STXBP5L: variants seen among roughly 807,000 people sequenced by gnomAD.
The protein encoded by STXBP5L is syntaxin-binding protein 5-like.
Under a neutral mutation model 144.5 loss-of-function variants are expected in STXBP5L, and 65 were observed. The observed-to-expected ratio is 0.45, with a 90% CI of 0.37 to 0.55. STXBP5L has a LOEUF of 0.55. Ranked by LOEUF, STXBP5L falls within the 20% of genes least tolerant of loss-of-function variation. The pLI, the probability that STXBP5L is intolerant of heterozygous loss-of-function variation, is 0.00. For synonymous variants in STXBP5L, 505 were observed against 469.6 expected (o/e 1.08, Z -0.97); for missense variants, 1,298 against 1,405.5 (o/e 0.92, Z 1.22).
chr3:121,047,288 G>A (rs1947584039), intron 5 of STXBP5L, among the ~76,000 whole-genome samples: 1 of 151,888 alleles, frequency 6.6e-6, no homozygotes. Context: ...GTTGATTTTA[G>A]AGTATGTGCT....
In STXBP5L at chr3:120,970,743, T is replaced by A. The variant is rs1045349997; in HGVS notation, c.287+15706T>A. On this transcript the variant is annotated intron_variant, in intron 3 of 26. Transcript: ENST00000471454. ...GAATTTTTAAACCATTATTATTATT[T>A]TTTTTACATGTGCTTTCCAGGTCTT... is the stretch of plus-strand genomic sequence containing the variant. Among the ~76,000 whole-genome samples the A allele has an allele frequency of 5.9e-5, 9 of 152,158 alleles. No homozygotes were observed. The South Asian group carries it at 6.2e-4, about 10-fold the overall frequency.
At chr3:121,307,211 A>T (rs2043366939) in intron 19 of STXBP5L, among the ~76,000 whole-genome samples, 1 of 152,216 alleles carries the variant, frequency 6.6e-6, no homozygotes, top group Admixed American at 6.5e-5. Context: ...AGTACCCAGA[A>T]GTGATACAAT....
At chr3:121,332,934 A>T (rs753536144) in intron 20 of STXBP5L, among the ~76,000 whole-genome samples, 12 of 152,196 alleles carry the variant, frequency 7.9e-5, no homozygotes, top group Non-Finnish European at 1.3e-4. Flanking sequence ...TAGCCTCCTT[A>T]AACAGAATAA....
Position 121,347,714 on chromosome 3 carries a change from A to G in STXBP5L, c.2176+29174A>G, listed in dbSNP as rs543919800. On this transcript the variant is annotated intron_variant, in intron 20 of 26. Transcript: ENST00000471454. ...ATTCCTAGGTATTTTATTCTCTTTG[A>G]AGCAATTGTGAATGGGAGTTCACTC... 9.9e-5 allele frequency among the ~76,000 whole-genome samples: 15 copies of G among 151,940 alleles called. No homozygotes were observed. In the East Asian group the frequency reaches 2.9e-3, roughly 30 times the overall value.
chr3:120,975,202 A>G (rs560433870), intron 3 of STXBP5L, among the ~76,000 whole-genome samples: 28 of 152,160 alleles, frequency 1.8e-4, no homozygotes, highest in South Asian at 8.3e-4. Flanking sequence ...ATTTGGTTGT[A>G]TCCTCTTTTA....
At chr3:120,940,415 A>G (rs1409610066) in intron 2 of STXBP5L, among the ~76,000 whole-genome samples, 1 of 152,022 alleles carries the variant, frequency 6.6e-6, no homozygotes, top group Non-Finnish European at 1.5e-5. Context: ...TTAAGAGTCT[A>G]GAAGAGTATG....
At chr3:121,082,935 A>C (rs1161262612) in intron 5 of STXBP5L, among the ~76,000 whole-genome samples, 1 of 152,202 alleles carries the variant, frequency 6.6e-6, no homozygotes, top group Non-Finnish European at 1.5e-5. Context: ...GTGGTGGCTC[A>C]TGCCTGTAAT....
chr3:121,359,190 T>C (rs1374220593), intron 20 of STXBP5L, among the ~76,000 whole-genome samples: 1 of 152,214 alleles, frequency 6.6e-6, no homozygotes, highest in Non-Finnish European at 1.5e-5. Flanking sequence ...TTGATTTGCA[T>C]TTCTCTGATG....
chr3:121,113,467 T>C (rs542803729), intron 5 of STXBP5L, among the ~76,000 whole-genome samples: 1 of 152,188 alleles, frequency 6.6e-6, no homozygotes, highest in Non-Finnish European at 1.5e-5. Context: ...TTTTCCAACA[T>C]CATATAGGCT....
At position 121,347,819 on chromosome 3, in the gene STXBP5L, CTT is replaced by C. The variant is rs553917215; in HGVS notation, c.2176+29281_2176+29282del. 3.0e-3 allele frequency among the ~76,000 whole-genome samples: 461 copies of C among 152,268 alleles called. 3 individuals are homozygous for C. Among genetic ancestry groups the C allele is most frequent in the African/African-American group, 0.01 (430 of 41,556 alleles). On this transcript the variant is annotated intron_variant, in intron 20 of 26. Coordinates refer to ENST00000471454, the MANE Select transcript of STXBP5L (RefSeq NM_001308330.2). ...TGCACATTGATTTTGTATCCTGAGA[CTT>C]TGCTGAAGTTGCTTATCAGCTTAAG...
At chr3:121,006,370 G>C (rs953438092) in intron 3 of STXBP5L, among the ~76,000 whole-genome samples, 1 of 151,788 alleles carries the variant, frequency 6.6e-6, no homozygotes, top group Non-Finnish European at 1.5e-5. Context: ...GACTAGGATT[G>C]CAATCCCTGC....
chr3:121,187,707 T>C (rs2047455058), intron 9 of STXBP5L, among the ~76,000 whole-genome samples: 1 of 152,052 alleles, frequency 6.6e-6, no homozygotes, highest in South Asian at 2.1e-4. Context: ...ACCTTAAATG[T>C]AAATGGGCTA....
At chr3:121,417,059 A>G (rs1475770298) in intron 25 of STXBP5L, among the ~76,000 whole-genome samples, 1 of 152,214 alleles carries the variant, frequency 6.6e-6, no homozygotes, top group Non-Finnish European at 1.5e-5. Context: ...GAAAGAAGCC[A>G]GACAAAAAAA....
chr3:121,257,397 A>G, intron 17 of STXBP5L, 64 bp downstream of exon 17: 3 of 1,410,646 alleles, frequency 2.1e-6, no homozygotes, highest in Non-Finnish European at 2.9e-6. Context: ...TGAAACTGTG[A>G]CAAATGAAAT....
chr3:121,023,851 G>T (rs1945734172), intron 3 of STXBP5L, among the ~76,000 whole-genome samples: 1 of 152,060 alleles, frequency 6.6e-6, no homozygotes, highest in East Asian at 1.9e-4. Context: ...TGCCTCCCGG[G>T]TTCACGCCAT....
chr3:121,235,947 A>C (rs142434159), intron 12 of STXBP5L, among the ~76,000 whole-genome samples: 1 of 152,094 alleles, frequency 6.6e-6, no homozygotes, highest in Non-Finnish European at 1.5e-5. Context: ...TGTAACAAGC[A>C]CCTCCTACCC....
At chr3:121,149,128 T>C (rs2045837387) in intron 7 of STXBP5L, among the ~76,000 whole-genome samples, 1 of 152,028 alleles carries the variant, frequency 6.6e-6, no homozygotes, top group Non-Finnish European at 1.5e-5. Context: ...TTTTCTTGTA[T>C]TACTTGTCTT....
At chr3:121,143,536 C>T (rs1158995621) in intron 7 of STXBP5L, among the ~76,000 whole-genome samples, 2 of 151,702 alleles carry the variant, frequency 1.3e-5, no homozygotes, top group African/African-American at 4.8e-5. Context: ...ATAATAATAA[C>T]ACTTTCTGAT....
intron 9 of STXBP5L, among the ~76,000 whole-genome samples, chr3:121,174,361 T>A (rs755574365): frequency 9.2e-5 from 14 of 151,546 alleles, no homozygotes; most frequent in Non-Finnish European, 1.9e-4. Context: ...TTTTCCTTAG[T>A]TTTTTCTGAT....
Sources: allele counts gnomAD v4.1 joint callset (sites outside exome capture counted in the v4.1 genomes callset), GRCh38; gene constraint gnomAD v4.1.1; transcripts MANE v1.5; gene names NCBI Gene and HGNC (gene_info 2026-07-23, HGNC 2026-07-21).